Variants in GPC5 observed in about 807,000 individuals in gnomAD.
GPC5 encodes the protein glypican-5.
In GPC5, 47 loss-of-function variants were observed where a neutral mutation model predicts 53.9. That is an observed-to-expected ratio of 0.87 (90% CI 0.69 to 1.11). The LOEUF is 1.11. Ranked by LOEUF, GPC5 falls within the 50% of genes most tolerant of loss-of-function variation. The pLI, the probability that GPC5 is intolerant of heterozygous loss-of-function variation, is 0.00. For missense variants in GPC5, 748 were observed against 713.1 expected, an observed-to-expected ratio of 1.05 and a Z score of -0.56; for synonymous variants, 286 against 263.3, an observed-to-expected ratio of 1.09 and a Z score of -0.84.
intron 6 of GPC5, among the ~76,000 whole-genome samples, chr13:91,973,219 G>C (rs370277490): frequency 6.6e-6 from 1 of 151,526 alleles, no homozygotes; most frequent in Non-Finnish European, 1.5e-5. Context: ...CATTCATTTC[G>C]TCTTCCATCA....
At chr13:91,426,432 TTAAACA>T (rs1319704486) in intron 1 of GPC5, among the ~76,000 whole-genome samples, 1 of 152,198 alleles carries the variant, frequency 6.6e-6, no homozygotes, top group Non-Finnish European at 1.5e-5. Flanking sequence ...AGGGAGTTTA[TTAAACA>T]GTATTGACTC....
At chr13:92,763,709 A>C (rs1875283241) in intron 7 of GPC5, among the ~76,000 whole-genome samples, 1 of 152,148 alleles carries the variant, frequency 6.6e-6, no homozygotes, top group Non-Finnish European at 1.5e-5. Context: ...AATGTCCAAA[A>C]AGCCAAGGAC....
intron 7 of GPC5, among the ~76,000 whole-genome samples, chr13:92,749,134 T>C (rs1252790611): frequency 1.3e-5 from 2 of 152,224 alleles, no homozygotes; most frequent in African/African-American, 4.8e-5. Flanking sequence ...GATATTTTAA[T>C]GTACTTAGTG....
chr13:92,178,992 A>G (rs1024191248), intron 7 of GPC5, among the ~76,000 whole-genome samples: 1 of 151,982 alleles, frequency 6.6e-6, no homozygotes, highest in African/African-American at 2.4e-5. Context: ...GAATAAATAA[A>G]TAAACTAGTT....
intron 5 of GPC5, among the ~76,000 whole-genome samples, chr13:91,847,082 G>A (rs71427527): frequency 3.3e-5 from 5 of 151,904 alleles, no homozygotes; most frequent in Middle Eastern, 3.4e-3. Flanking sequence ...AGCCGGGTGC[G>A]GTGGCGGGCA....
At chr13:91,950,120 T>C (rs2139057949) in intron 6 of GPC5, among the ~76,000 whole-genome samples, 1 of 152,284 alleles carries the variant, frequency 6.6e-6, no homozygotes, top group East Asian at 1.9e-4. Context: ...TGGGCCCCAT[T>C]AATTTTGTTG....
chr13:92,732,921 C>T (rs1426275677), intron 7 of GPC5, among the ~76,000 whole-genome samples: 1 of 151,622 alleles, frequency 6.6e-6, no homozygotes, highest in Non-Finnish European at 1.5e-5. Context: ...ATTCTTCCCA[C>T]TCCAATTTTG....
intron 7 of GPC5, among the ~76,000 whole-genome samples, chr13:92,617,227 T>C (rs1188212417): frequency 6.6e-6 from 1 of 152,180 alleles, no homozygotes; most frequent in Admixed American, 6.5e-5. Context: ...GGTTGTCCGC[T>C]GTAACGTCTT....
At chr13:92,004,478 A>ATATATATAT (rs1555303846) in intron 6 of GPC5, among the ~76,000 whole-genome samples, 1 of 136,114 alleles carries the variant, frequency 7.3e-6, no homozygotes, top group African/African-American at 2.8e-5. Flanking sequence ...ATATATATAT[A>ATATATATAT]TATATATATA....
At chr13:92,668,397 C>T (rs1173873799) in intron 7 of GPC5, among the ~76,000 whole-genome samples, 1 of 152,050 alleles carries the variant, frequency 6.6e-6, no homozygotes, top group African/African-American at 2.4e-5. Context: ...TCTGCATTTC[C>T]AGGCTAAGTT....
intron 7 of GPC5, among the ~76,000 whole-genome samples, chr13:92,346,586 A>G (rs138335584): frequency 7.4e-4 from 112 of 152,306 alleles, no homozygotes; most frequent in African/African-American, 2.5e-3. Context: ...ACTTAAAAAG[A>G]TCAGAAGAGG....
At chr13:91,864,098 G>C (rs1423451766) in intron 5 of GPC5, among the ~76,000 whole-genome samples, 2 of 152,136 alleles carry the variant, frequency 1.3e-5, no homozygotes, top group African/African-American at 2.4e-5. Context: ...TGAAGTTGAT[G>C]GTTGGTAGAA....
intron 7 of GPC5, among the ~76,000 whole-genome samples, chr13:92,208,881 C>T (rs2139071753): frequency 6.6e-6 from 1 of 152,258 alleles, no homozygotes; most frequent in East Asian, 1.9e-4. Flanking sequence ...AATAAAACAT[C>T]AAGCCCAACA....
chr13:92,658,214 A>G, intron 7 of GPC5, among the ~76,000 whole-genome samples: 1 of 151,272 alleles, frequency 6.6e-6, no homozygotes, highest in East Asian at 1.9e-4. Context: ...ATCATACATG[A>G]GATATGTATT....
chr13:91,673,874 G>A (rs535048818), intron 2 of GPC5, among the ~76,000 whole-genome samples: 12 of 151,740 alleles, frequency 7.9e-5, no homozygotes, highest in South Asian at 6.3e-4. Context: ...TTTTACTCTC[G>A]TGATGAGGCC....
chr13:91,853,244 T>G (rs1403285527), intron 5 of GPC5, among the ~76,000 whole-genome samples: 8 of 152,070 alleles, frequency 5.3e-5, no homozygotes, highest in South Asian at 2.1e-4. Flanking sequence ...TCAAGTTTTT[T>G]GGGGGGTTTC....
intron 6 of GPC5, among the ~76,000 whole-genome samples, chr13:92,112,662 GGAAA>G (rs897483730): frequency 6.6e-6 from 1 of 152,050 alleles, no homozygotes; most frequent in African/African-American, 2.4e-5. Context: ...GGAAAAATTG[GGAAA>G]GAAAGCAGGT....
chr13:92,417,900 A>G (rs1052939136), intron 7 of GPC5, among the ~76,000 whole-genome samples: 9 of 152,184 alleles, frequency 5.9e-5, no homozygotes, highest in African/African-American at 1.2e-4. Context: ...CAGAAAAAGA[A>G]AAAACCCAAA....
chr13:92,729,595 C>A (rs1026294104), intron 7 of GPC5, among the ~76,000 whole-genome samples: 4 of 151,182 alleles, frequency 2.6e-5, no homozygotes, highest in African/African-American at 9.7e-5. Context: ...TGCTGTAGAC[C>A]ATAAAATTAG....
Sources: gnomAD v4.1 joint callset for allele counts (sites outside exome capture counted in the v4.1 genomes callset) on GRCh38, gnomAD v4.1.1 for gene constraint, MANE v1.5 for transcripts, NCBI Gene and HGNC (gene_info 2026-07-23, HGNC 2026-07-21) for gene names.